The following PTPRG variants were observed in gnomAD, a reference collection of about 807,000 sequenced individuals.
PTPRG encodes the protein protein tyrosine phosphatase receptor type G.
A neutral mutation model predicts 165.3 loss-of-function variants in PTPRG; 102 were observed. The observed-to-expected ratio is 0.62, with a 90% CI of 0.53 to 0.73. The LOEUF (loss-of-function observed/expected upper bound fraction) is 0.73, where lower values mean the gene tolerates loss of function less well. Ranked by LOEUF, PTPRG falls within the 30% of genes least tolerant of loss-of-function variation. The pLI, the probability that PTPRG is intolerant of heterozygous loss-of-function variation, is 0.00. For synonymous variants in PTPRG, 675 were observed against 669.5 expected (o/e 1.01, Z -0.13); for missense variants, 1,866 against 1,861.4 (o/e 1.00, Z -0.05).
chr3:61,797,295 T>C (rs2035078104), intron 2 of PTPRG, among the ~76,000 whole-genome samples: 2 of 152,234 alleles, frequency 1.3e-5, no homozygotes, highest in Non-Finnish European at 2.9e-5. Flanking sequence ...CATTGAATAA[T>C]GTTTGAAAAT....
intron 19 of PTPRG, 123 bp from the exon 20 acceptor site, chr3:62,268,912 T>G (rs961351442): frequency 2.7e-6 from 3 of 1,106,038 alleles, no homozygotes; most frequent in Non-Finnish European, 1.2e-6. Flanking sequence ...ACTCACGTAT[T>G]CCTTTTTCAG....
intron 1 of PTPRG, among the ~76,000 whole-genome samples, chr3:61,591,156 A>G (rs1230765478): frequency 6.6e-6 from 1 of 152,242 alleles, no homozygotes; most frequent in African/African-American, 2.4e-5. Flanking sequence ...TTCACAGAAA[A>G]CAGTCTTTAT....
At chr3:61,721,233 A>G (rs551700881) in intron 1 of PTPRG, among the ~76,000 whole-genome samples, 1 of 152,314 alleles carries the variant, frequency 6.6e-6, no homozygotes, top group South Asian at 2.1e-4. Context: ...ACTACATTAG[A>G]ATTGCAACCT....
At chr3:62,135,897 C>T (rs912742311) in intron 6 of PTPRG, among the ~76,000 whole-genome samples, 1 of 152,252 alleles carries the variant, frequency 6.6e-6, no homozygotes, top group South Asian at 2.1e-4. Flanking sequence ...CCTGTGTTGG[C>T]AGGAATGGCC....
intron 2 of PTPRG, among the ~76,000 whole-genome samples, chr3:61,891,650 TGA>T (rs1430197197): frequency 6.6e-6 from 1 of 152,234 alleles, no homozygotes; most frequent in African/African-American, 2.4e-5. Context: ...ATGAGGTAGC[TGA>T]GAGCAGTGGA....
chr3:62,242,630 G>A (rs1214577516), intron 14 of PTPRG, among the ~76,000 whole-genome samples: 1 of 152,124 alleles, frequency 6.6e-6, no homozygotes, highest in Admixed American at 6.5e-5. Flanking sequence ...TCACTCCCAA[G>A]GAGATCTTGT....
intron 1 of PTPRG, among the ~76,000 whole-genome samples, chr3:61,592,430 G>A (rs1700594130): frequency 6.6e-6 from 1 of 152,118 alleles, no homozygotes; most frequent in African/African-American, 2.4e-5. Flanking sequence ...AAACTGCTTG[G>A]AGTTTCTCTC....
chr3:61,811,605 C>T (rs2035579554), intron 2 of PTPRG, among the ~76,000 whole-genome samples: 1 of 152,172 alleles, frequency 6.6e-6, no homozygotes, highest in Non-Finnish European at 1.5e-5. Flanking sequence ...GTGTCCATTC[C>T]ATCATGCCTG....
chr3:61,645,100 A>G (rs971097202), intron 1 of PTPRG, among the ~76,000 whole-genome samples: 1 of 152,234 alleles, frequency 6.6e-6, no homozygotes, highest in African/African-American at 2.4e-5. Context: ...GGTTAAAAAT[A>G]TAATATAAAA....
intron 2 of PTPRG, among the ~76,000 whole-genome samples, chr3:61,988,773 A>G (rs2040821287): frequency 6.6e-6 from 1 of 152,230 alleles, no homozygotes; most frequent in Non-Finnish European, 1.5e-5. Flanking sequence ...TAAAAGTAGG[A>G]TGCAGAAAAG....
At chr3:61,627,322 A>C (rs1701640633) in intron 1 of PTPRG, among the ~76,000 whole-genome samples, 1 of 152,142 alleles carries the variant, frequency 6.6e-6, no homozygotes, top group African/African-American at 2.4e-5. Context: ...ATTTGGGGTA[A>C]AAAAACATAA....
chr3:62,036,202 G>T (rs1293548444), intron 4 of PTPRG, among the ~76,000 whole-genome samples: 2 of 152,186 alleles, frequency 1.3e-5, no homozygotes, highest in African/African-American at 4.8e-5. Flanking sequence ...CCAGAGTTTT[G>T]TTGGGGGTTG....
intron 1 of PTPRG, among the ~76,000 whole-genome samples, chr3:61,615,395 T>C (rs1701274295): frequency 6.6e-6 from 1 of 152,214 alleles, no homozygotes; most frequent in Admixed American, 6.5e-5. Flanking sequence ...TTGTCTGAGG[T>C]TTCCTCGTGA....
intron 1 of PTPRG, among the ~76,000 whole-genome samples, chr3:61,716,428 T>C (rs112216875): frequency 9.2e-5 from 14 of 152,150 alleles, no homozygotes; most frequent in African/African-American, 3.4e-4. Context: ...GGGATAACAA[T>C]CTGTTTTGGA....
chr3:61,687,040 C>A (rs1452683534), intron 1 of PTPRG, among the ~76,000 whole-genome samples: 1 of 152,094 alleles, frequency 6.6e-6, no homozygotes, highest in Non-Finnish European at 1.5e-5. Flanking sequence ...ACCAGCCAAC[C>A]AAAAATGCAT....
rs1323669276 is a variant in PTPRG, at chr3:62,107,414, A to G, written c.616-25188A>G. Among the ~76,000 whole-genome samples the G allele has an allele frequency of 2.0e-5, 3 of 152,250 alleles. No homozygotes were observed. In the East Asian group the frequency reaches 5.8e-4, roughly 29 times the overall value. ...TGATAGATGCACATGAAATACTCCT[A>G]TAACAGATAACACAAAGAAGATAGC... On this transcript the variant is annotated intron_variant, in intron 5 of 29. Coordinates refer to ENST00000474889, the MANE Select transcript of PTPRG (RefSeq NM_002841.4).
intron 5 of PTPRG, among the ~76,000 whole-genome samples, chr3:62,097,181 T>C (rs1037711148): frequency 1.3e-5 from 2 of 152,184 alleles, no homozygotes; most frequent in African/African-American, 4.8e-5. Flanking sequence ...AAAGGAGATA[T>C]TGGCTGTAAA....
At position 61,562,243 on chromosome 3, in the gene PTPRG, A is replaced by C; in HGVS notation, c.-45A>C. The C allele has an allele frequency of 6.4e-7, 1 of 1,566,676 alleles. No homozygotes were observed. Among genetic ancestry groups the C allele is most frequent in the Non-Finnish European group, 8.8e-7 (1 of 1,137,176 alleles). On this transcript the variant is annotated 5_prime_UTR_variant, in exon 1 of 30. Coordinates refer to ENST00000474889, the MANE Select transcript of PTPRG (RefSeq NM_002841.4). ...GCACGGAGGCAAGAACTTATTCAAC[A>C]AGTTTACCTCCCTGCTTTCCTCTTT...
intron 1 of PTPRG, among the ~76,000 whole-genome samples, chr3:61,712,622 G>A (rs1270023078): frequency 6.6e-6 from 1 of 152,118 alleles, no homozygotes; most frequent in Non-Finnish European, 1.5e-5. Context: ...GAAGATGCCT[G>A]CTTCCCCTTC....
Sources: allele counts gnomAD v4.1 joint callset (sites outside exome capture counted in the v4.1 genomes callset), GRCh38; gene constraint gnomAD v4.1.1; transcripts MANE v1.5; gene names NCBI Gene and HGNC (gene_info 2026-07-23, HGNC 2026-07-21).